Variants in TNIK observed in about 807,000 individuals in gnomAD.
TNIK encodes TRAF2 and NCK-interacting protein kinase.
Under a neutral mutation model 191.3 loss-of-function variants are expected in TNIK, and 49 were observed. The observed-to-expected ratio is 0.26, with a 90% CI of 0.20 to 0.32. The LOEUF (loss-of-function observed/expected upper bound fraction) is 0.32. Among genes scored for constraint, TNIK ranks in the 10% least tolerant of loss-of-function variants. The pLI, the probability that TNIK is intolerant of heterozygous loss-of-function variation, is 1.00. For missense variants in TNIK, 1,155 were observed against 1,702.3 expected, an observed-to-expected ratio of 0.68 and a Z score of 5.66; for synonymous variants, 594 against 600.9, an observed-to-expected ratio of 0.99 and a Z score of 0.17.
intron 2 of TNIK, among the ~76,000 whole-genome samples, chr3:171,358,173 G>A (rs1025759329): frequency 2.0e-5 from 3 of 152,146 alleles, no homozygotes; most frequent in Non-Finnish European, 4.4e-5. Context: ...AATCTCATTT[G>A]TAAAATTGTA....
At position 171,067,284 on chromosome 3, in the gene TNIK, A is replaced by AAT. The variant is rs560320094; in HGVS notation, c.3700-551_3700-550dup. ...CTACCAAAATAATCTGTGAAAAAAA[A>AAT]ATATATATATAGGATTGTTTATCCG... On this transcript the variant is annotated intron_variant, in intron 30 of 32. Coordinates refer to ENST00000436636, the MANE Select transcript of TNIK (RefSeq NM_015028.4). Among the ~76,000 whole-genome samples, 990 of 152,132 alleles carry AAT rather than the reference A, an allele frequency of 6.5e-3. 9 individuals carry two copies. Among genetic ancestry groups the AAT allele is most frequent in the Middle Eastern group, 0.017 (5 of 294 alleles).
chr3:171,191,910 G>A (rs548036370), intron 5 of TNIK, among the ~76,000 whole-genome samples: 2 of 152,056 alleles, frequency 1.3e-5, no homozygotes, highest in Non-Finnish European at 1.5e-5. Flanking sequence ...ATTATTTTAT[G>A]CTAACACCTG....
intron 28 of TNIK, among the ~76,000 whole-genome samples, chr3:171,071,575 C>T (rs1719185043): frequency 6.6e-6 from 1 of 152,094 alleles, no homozygotes; most frequent in Non-Finnish European, 1.5e-5. Flanking sequence ...AGAGATATAA[C>T]TGCTTAGGAC....
chr3:171,254,555 G>A (rs1298763963), intron 2 of TNIK, among the ~76,000 whole-genome samples: 2 of 152,192 alleles, frequency 1.3e-5, no homozygotes, highest in African/African-American at 4.8e-5. Context: ...TCACCCAGAT[G>A]TTTTGTAGTA....
chr3:171,217,186 G>T (rs1741552524), intron 3 of TNIK, among the ~76,000 whole-genome samples: 1 of 152,028 alleles, frequency 6.6e-6, no homozygotes, highest in African/African-American at 2.4e-5. Context: ...AAGAAAATAT[G>T]GTATGCATAC....
At chr3:171,235,431 A>G (rs1319839657) in intron 2 of TNIK, among the ~76,000 whole-genome samples, 1 of 152,180 alleles carries the variant, frequency 6.6e-6, no homozygotes, top group African/African-American at 2.4e-5. Flanking sequence ...ATGTACATGC[A>G]GCCAACTCTT....
chr3:171,378,249 A>C (rs965971918), intron 1 of TNIK, among the ~76,000 whole-genome samples: 2 of 152,198 alleles, frequency 1.3e-5, no homozygotes, highest in Non-Finnish European at 2.9e-5. Flanking sequence ...CAATTAATTG[A>C]CAGTGAGAGG....
chr3:171,312,140 AAGG>A (rs1754101738), intron 2 of TNIK, among the ~76,000 whole-genome samples: 1 of 117,958 alleles, frequency 8.5e-6, no homozygotes, highest in East Asian at 2.0e-4. Flanking sequence ...AAAAAAAAAA[AAGG>A]GCTAGACTGG....
At chr3:171,181,016 T>C (rs992004955) in intron 7 of TNIK, among the ~76,000 whole-genome samples, 7 of 152,060 alleles carry the variant, frequency 4.6e-5, no homozygotes, top group African/African-American at 1.4e-4. Context: ...CAGGTATTGA[T>C]TGATTGATTG....
intron 18 of TNIK, among the ~76,000 whole-genome samples, chr3:171,117,703 G>A (rs1311586091): frequency 6.6e-6 from 1 of 152,108 alleles, no homozygotes; most frequent in African/African-American, 2.4e-5. Flanking sequence ...GGGCGCGGTG[G>A]CTCACACCTG....
At chr3:171,387,527 A>G (rs955039338) in intron 1 of TNIK, among the ~76,000 whole-genome samples, 1 of 152,164 alleles carries the variant, frequency 6.6e-6, no homozygotes, top group Non-Finnish European at 1.5e-5. Context: ...AATCCCTCTC[A>G]TGTGCCCTTC....
chr3:171,397,616 A>C (rs1720421428), intron 1 of TNIK, among the ~76,000 whole-genome samples: 1 of 152,220 alleles, frequency 6.6e-6, no homozygotes, highest in South Asian at 2.1e-4. Context: ...TGTATTGACA[A>C]TCGAACTTAC....
At chr3:171,115,483 T>A (rs1330479682) in intron 18 of TNIK, among the ~76,000 whole-genome samples, 8 of 152,152 alleles carry the variant, frequency 5.3e-5, no homozygotes, top group Non-Finnish European at 1.2e-4. Context: ...GACTAAGTAT[T>A]GTTGGAGTTT....
intron 1 of TNIK, among the ~76,000 whole-genome samples, chr3:171,399,587 A>G (rs1720657277): frequency 6.6e-6 from 1 of 152,228 alleles, no homozygotes; most frequent in African/African-American, 2.4e-5. Context: ...TCTCAATGCT[A>G]GAGAATAGTA....
intron 1 of TNIK, among the ~76,000 whole-genome samples, chr3:171,376,742 T>TAGA (rs1717278876): frequency 6.9e-6 from 1 of 144,246 alleles, no homozygotes; most frequent in Non-Finnish European, 1.5e-5. Context: ...GATAGATAGA[T>TAGA]AGATGATAGA....
intron 1 of TNIK, among the ~76,000 whole-genome samples, chr3:171,412,903 C>A (rs116268927): frequency 1.3e-5 from 2 of 152,130 alleles, no homozygotes; most frequent in South Asian, 4.1e-4. Context: ...GGGAACACAG[C>A]CAAGCTAGCA....
intron 1 of TNIK, among the ~76,000 whole-genome samples, chr3:171,459,700 A>ACACACACACACACG (rs1012502406): frequency 6.6e-6 from 1 of 151,682 alleles, no homozygotes; most frequent in Non-Finnish European, 1.5e-5. Context: ...ACACACACAC[A>ACACACACACACACG]CACGCACACA....
intron 7 of TNIK, among the ~76,000 whole-genome samples, chr3:171,185,103 T>C (rs1388549222): frequency 6.6e-6 from 1 of 151,834 alleles, no homozygotes; most frequent in Non-Finnish European, 1.5e-5. Flanking sequence ...AAAATAAAAA[T>C]TGTAAGTTTT....
At chr3:171,108,676 CAGGA>C (rs1183627321) in intron 19 of TNIK, among the ~76,000 whole-genome samples, 3 of 152,072 alleles carry the variant, frequency 2.0e-5, no homozygotes, top group Non-Finnish European at 4.4e-5. Flanking sequence ...TTTGTCCAAT[CAGGA>C]TAGGTTATTT....
Sources: allele counts gnomAD v4.1 joint callset (sites outside exome capture counted in the v4.1 genomes callset), GRCh38; gene constraint gnomAD v4.1.1; transcripts MANE v1.5; gene names NCBI Gene and HGNC (gene_info 2026-07-23, HGNC 2026-07-21).